Variants in TFRC observed in about 807,000 individuals in gnomAD.
TFRC encodes the protein transferrin receptor, also known as transferrin receptor protein 1.
Under a neutral mutation model 85.8 loss-of-function variants are expected in TFRC, and 35 were observed. The observed-to-expected ratio is 0.41, with a 90% CI of 0.31 to 0.54. The LOEUF (loss-of-function observed/expected upper bound fraction) is 0.54, where lower values mean the gene tolerates loss of function less well. TFRC is among the 20% of genes least tolerant of loss of function. The pLI is 0.31. For missense variants in TFRC, 828 were observed against 921.5 expected, an observed-to-expected ratio of 0.90 and a Z score of 1.31; for synonymous variants, 362 against 328.6, an observed-to-expected ratio of 1.10 and a Z score of -1.10.
rs1716349558 is a variant in TFRC at position 196,052,010 on chromosome 3, T to C, written c.2215A>G (p.Thr739Ala). ...TTTGCAGCTCCCTGAATAGTCCAAG[T>C]AGCTAGAGCCAACTGGTTTCTGAAC... Reference protein sequence around the residue: ...TLFRNQLALATWTIQGAANAL... With the variant: ...TLFRNQLALAAWTIQGAANAL... Residue 739 changes from threonine (T) to alanine (A), a missense_variant, in exon 19 of 19, where the codon ACT becomes GCT. Thr to Ala is a moderately conservative substitution (Grantham distance 58). Transcript: ENST00000360110. 3.7e-6 allele frequency: 6 copies of C among 1,614,208 alleles called. No individual in the cohort carries two copies. Among genetic ancestry groups the C allele is most frequent in the Non-Finnish European group, 5.1e-6 (6 of 1,180,038 alleles).
rs41299378 is a variant in TFRC at position 196,049,755 on chromosome 3, A to G, written c.*2187T>C. ...ACCCGAACCAGGAATCTCAGCTATG[A>G]CCTTTTCACTTAGCTACGCTAAATG... On this transcript the variant is annotated 3_prime_UTR_variant, in exon 19 of 19. Transcript: ENST00000360110. The G allele has an allele frequency of 4.2e-4, 96 of 230,356 alleles. No homozygotes were observed. The highest frequency in any genetic ancestry group is 2.1e-3 in the African/African-American group (93 of 45,312). 14.3% of individuals were successfully genotyped at this position (230,356 alleles called of 1,614,324 possible). A position where few individuals can be genotyped will look rare whatever the true frequency, so the allele number is the denominator to read the frequency against.
chr3:196,055,172 G>A lies in TFRC; in HGVS notation c.1807C>T (p.His603Tyr). 1 of 1,614,214 alleles carries A rather than the reference G, an allele frequency of 6.2e-7. No homozygotes were observed. The highest frequency in any genetic ancestry group is 8.5e-7 in the Non-Finnish European group (1 of 1,180,032). Residue 603 changes from histidine to tyrosine, a missense_variant, in exon 17 of 19, where the codon CAT becomes TAT. By Grantham distance (83) the His-to-Tyr change is moderately conservative (BLOSUM62 2). Coordinates refer to ENST00000360110, the MANE Select transcript of TFRC (RefSeq NM_001128148.3). ...VAGQFVIKLT[H>Y]DVELNLDYER... The stretch of plus-strand genomic sequence containing the variant: ...TAGTCCAGGTTCAATTCAACATCAT[G>A]GGTTAGTTTAATCACGAACTGACCA...
At chr3:196,064,995 T>C (rs9852239) in intron 10 of TFRC, among the ~76,000 whole-genome samples, 73,100 of 152,074 alleles carry the variant, frequency 0.48, 19,359 homozygotes, top group Non-Finnish European at 0.61. Context: ...CGGTGGCTCA[T>C]GCCTGTAATC....
In TFRC at chr3:196,073,049, A is replaced by AAACAACAAC. The variant is rs1560087183; in HGVS notation, c.434+880_434+881insGTTGTTGTT. ...ATCCCGTTTCTGCAAAAAAAAAAAA[A>AAACAACAAC]AAAAAAAAAAACCCACAAAAATTAG... On this transcript the variant is annotated intron_variant, in intron 4 of 18. Coordinates refer to ENST00000360110, the MANE Select transcript of TFRC (RefSeq NM_001128148.3). 1.8e-3 allele frequency among the ~76,000 whole-genome samples: 167 copies of AAACAACAAC among 93,810 alleles called. 2 individuals are homozygous for AAACAACAAC. Among genetic ancestry groups the AAACAACAAC allele is most frequent in the South Asian group, 0.012 (34 of 2,846 alleles). 61.5% of individuals were successfully genotyped at this position (93,810 alleles called of 152,430 possible).
chr3:196,064,715 AG>A (rs1717571173), intron 10 of TFRC, among the ~76,000 whole-genome samples: 1 of 152,222 alleles, frequency 6.6e-6, no homozygotes, highest in African/African-American at 2.4e-5. Context: ...TTGCATTTAA[AG>A]TTAACTCCAG....
rs1716209129 is a variant in TFRC at position 196,050,336 on chromosome 3, C to T, written c.*1606G>A. On this transcript the variant is annotated 3_prime_UTR_variant, in exon 19 of 19. Transcript: ENST00000360110. Reference sequence around the variant, plus strand: ...TTCATTTTACAGTGGTTGAATTTACCCACCCAATGCTTAATGACCACAAAA... The same window carrying T: ...TTCATTTTACAGTGGTTGAATTTACTCACCCAATGCTTAATGACCACAAAA... The T allele has an allele frequency of 4.6e-6, 1 of 218,306 alleles. No homozygotes were observed. Among genetic ancestry groups the T allele is most frequent in the Non-Finnish European group, 9.2e-6 (1 of 108,820 alleles). The allele number at this position is 218,306 out of a possible 1,614,324, so 13.5% of individuals were successfully genotyped here.
At chr3:196,072,184 A>C (rs749684031) in intron 4 of TFRC, 32 bp from the exon 5 acceptor site, 14 of 1,604,206 alleles carry the variant, frequency 8.7e-6, no homozygotes, top group Admixed American at 3.5e-5. Context: ...AAATGAACTT[A>C]AGTTTACTTT....
chr3:196,081,995 T>C (rs947220922), intron 1 of TFRC, 48 bp downstream of exon 1: 1 of 152,360 alleles, frequency 6.6e-6, no homozygotes, highest in Non-Finnish European at 1.5e-5. Context: ...CCCCGCAGGA[T>C]GAAGGGAGGA....
At chr3:196,054,108 G>C (rs554299380) in intron 17 of TFRC, among the ~76,000 whole-genome samples, 5 of 151,938 alleles carry the variant, frequency 3.3e-5, no homozygotes, top group African/African-American at 1.2e-4. Flanking sequence ...CGTGGTGGCC[G>C]GCACCTGTAG....
At position 196,071,481 on chromosome 3, in the gene TFRC, A is replaced by C. The variant is rs1440591900; in HGVS notation, c.602T>G (p.Ile201Ser). ...AAGTCTACCGTTCTTATCAACTATG[A>C]TCACCGAGTTTTGAGCGCTGTTAAA... The part of the protein sequence containing the change: ...QVKDSAQNSV[I>S]IVDKNGRLVY... Residue 201 changes from isoleucine to serine, a missense_variant, in exon 6 of 19, where the codon ATC becomes AGC. Transcript: ENST00000360110. The C allele has an allele frequency of 4.3e-6, 7 of 1,614,098 alleles. No homozygotes were observed. The highest frequency in any genetic ancestry group is 1.3e-5 in the African/African-American group (1 of 75,058).
At chr3:196,076,776 TCTC>T (rs1348576554) in intron 2 of TFRC, among the ~76,000 whole-genome samples, 1 of 152,076 alleles carries the variant, frequency 6.6e-6, no homozygotes, top group African/African-American at 2.4e-5. Flanking sequence ...GCTTTTTACT[TCTC>T]CTACTAAAAC....
At position 196,058,526 on chromosome 3, in the gene TFRC, G is replaced by A. The variant is rs763386017; in HGVS notation, c.1595+48C>T. ...TAGATTCTACCTAATGTAGTAGGTAGAATCTCTGCTTTTCTATTAGTTTGT... is the reference window on the plus strand; with the variant it reads ...TAGATTCTACCTAATGTAGTAGGTAAAATCTCTGCTTTTCTATTAGTTTGT... On this transcript the variant is annotated intron_variant, in intron 15 of 18. Transcript: ENST00000360110. 7.2e-5 allele frequency: 113 copies of A among 1,566,256 alleles called. 1 individual carries two copies. The highest frequency in any genetic ancestry group is 9.4e-5 in the Non-Finnish European group (108 of 1,144,364).
rs1300904946 is a variant in TFRC, at chr3:196,068,051, T to TC, written c.880dup (p.Glu294GlyfsTer14). 9 of 1,612,958 alleles carry TC rather than the reference T, an allele frequency of 5.6e-6. No homozygotes were observed. The highest frequency in any genetic ancestry group is 7.6e-6 in the Non-Finnish European group (9 of 1,179,706). On this transcript the variant is annotated frameshift_variant, in exon 8 of 19. Transcript: ENST00000360110. LOFTEE classifies it high-confidence loss of function. ...ACTCACATGTCCAAAGAATGAAAGTTCTGCGTTAACAATGGGAAATTTAGT... is the reference window on the plus strand; with the variant it reads ...ACTCACATGTCCAAAGAATGAAAGTTCCTGCGTTAACAATGGGAAATTTAGT...
intron 4 of TFRC, among the ~76,000 whole-genome samples, chr3:196,073,051 A>AACAAAC (rs770520517): frequency 3.4e-5 from 5 of 147,858 alleles, no homozygotes; most frequent in Admixed American, 1.4e-4. Flanking sequence ...AAAAAAAAAA[A>AACAAAC]AAAAAAAAAC....
chr3:196,070,829 C>T (rs955544247), intron 6 of TFRC, among the ~76,000 whole-genome samples: 3 of 125,408 alleles, frequency 2.4e-5, no homozygotes, highest in Admixed American at 1.6e-4. Context: ...TAAAAATTAA[C>T]TGGACATCTC....
At position 196,067,586 on chromosome 3, in the gene TFRC, A is replaced by G. The variant is rs772549435; in HGVS notation, c.972T>C (p.Ser324=). ...GTATATTAGGCAATCCTGATGACCG[A>G]GATGGTGGAAACTGAGTGTGATTGA... The part of the protein sequence containing the change: ...PSFNHTQFPP[S]RSSGLPNIPV... The change falls in exon 9 of 19, where the codon TCT becomes TCC. Residue 324 remains serine, a synonymous_variant. Coordinates refer to ENST00000360110, the MANE Select transcript of TFRC (RefSeq NM_001128148.3). 1 of 1,614,076 alleles carries G rather than the reference A, an allele frequency of 6.2e-7. No individual in the cohort carries two copies. The highest frequency in any genetic ancestry group is 1.7e-5 in the Admixed American group (1 of 60,000).
intron 7 of TFRC, among the ~76,000 whole-genome samples, chr3:196,068,999 T>A (rs996134263): frequency 1.3e-5 from 2 of 151,690 alleles, no homozygotes; most frequent in African/African-American, 2.4e-5. Flanking sequence ...TGAGTCTCAC[T>A]GTCACTCAGG....
intron 8 of TFRC, 104 bp from the exon 9 acceptor site, chr3:196,067,761 C>CT: frequency 7.5e-7 from 1 of 1,339,410 alleles, no homozygotes; most frequent in Non-Finnish European, 1.0e-6. Flanking sequence ...AGTTTACCAA[C>CT]TTGAAGCCTC....
In TFRC at chr3:196,076,484, C is replaced by A. The variant is rs963151426; in HGVS notation, c.36+580G>T. Among the ~76,000 whole-genome samples, 4 of 148,124 alleles carry A rather than the reference C, an allele frequency of 2.7e-5. No individual in the cohort carries two copies. In the Admixed American group the frequency reaches 2.7e-4, roughly 10 times the overall value. On this transcript the variant is annotated intron_variant, in intron 2 of 18. Transcript: ENST00000360110. ...TTTTTTTTTGAGACGGAGTCTCACT[C>A]TGTTGCCCAGGCTGGAGTGCAATGG...
Sources: allele counts gnomAD v4.1 joint callset (sites outside exome capture counted in the v4.1 genomes callset), GRCh38; gene constraint gnomAD v4.1.1; transcripts MANE v1.5; gene names NCBI Gene and HGNC (gene_info 2026-07-23, HGNC 2026-07-21).